The following VPS13D variants were observed in gnomAD, a reference collection of about 807,000 sequenced individuals.
VPS13D encodes intermembrane lipid transfer protein VPS13D.
Under a neutral mutation model 461.9 loss-of-function variants are expected in VPS13D, and 187 were observed. The observed-to-expected ratio is 0.40, with a 90% CI of 0.36 to 0.46. The LOEUF is 0.46. Among genes scored for constraint, VPS13D ranks in the 20% least tolerant of loss-of-function variants. VPS13D has a pLI of 0.60. For synonymous variants in VPS13D, 1,951 were observed against 1,986.3 expected (o/e 0.98, Z 0.47); for missense variants, 4,711 against 5,364.9 (o/e 0.88, Z 3.81).
At chr1:12,296,605 AG>A in intron 24 of VPS13D, among the ~76,000 whole-genome samples, 1 of 152,282 alleles carries the variant, frequency 6.6e-6, no homozygotes, top group Middle Eastern at 3.4e-3. Flanking sequence ...AATTGCTTTC[AG>A]CTTTTCATTC....
At chr1:12,407,368 G>A (rs1356950394) in intron 63 of VPS13D, 1 of 152,216 alleles carries the variant, frequency 6.6e-6, no homozygotes. Flanking sequence ...ACTCTATGAA[G>A]TTTCTGGAAG....
intron 67 of VPS13D, among the ~76,000 whole-genome samples, chr1:12,474,933 C>T (rs1319015650): frequency 1.3e-5 from 2 of 152,088 alleles, no homozygotes; most frequent in Non-Finnish European, 1.5e-5. Context: ...CCTATTAAAG[C>T]CCAATATACT....
intron 60 of VPS13D, among the ~76,000 whole-genome samples, chr1:12,391,800 A>G (rs72868248): frequency 0.067 from 10,127 of 152,256 alleles, 535 homozygotes; most frequent in African/African-American, 0.13. Context: ...TGCTTTTTAC[A>G]GCTAGTTAAG....
At chr1:12,240,031 G>T (rs940169617) in intron 2 of VPS13D, among the ~76,000 whole-genome samples, 14 of 152,134 alleles carry the variant, frequency 9.2e-5, no homozygotes, top group Admixed American at 9.2e-4. Flanking sequence ...TGAGTGGGTG[G>T]GGACTAGGAA....
At chr1:12,310,013 G>A (rs1201318952) in intron 27 of VPS13D, among the ~76,000 whole-genome samples, 1 of 151,832 alleles carries the variant, frequency 6.6e-6, no homozygotes, top group Non-Finnish European at 1.5e-5. Flanking sequence ...GCTATATTTG[G>A]TTTTACTGGC....
intron 2 of VPS13D, 23 bp from the exon 3 acceptor site, chr1:12,242,490 C>T: frequency 4.4e-6 from 7 of 1,605,654 alleles, no homozygotes; most frequent in Non-Finnish European, 6.0e-6. Flanking sequence ...ATGGATATTT[C>T]ATGATGCTGT....
At chr1:12,484,236 G>A (rs543724252) in intron 67 of VPS13D, among the ~76,000 whole-genome samples, 56 of 152,230 alleles carry the variant, frequency 3.7e-4, no homozygotes, top group Non-Finnish European at 7.1e-4. Flanking sequence ...CAGGAAGCCC[G>A]TCCTACCCTC....
At chr1:12,455,623 A>G (rs952097309) in intron 65 of VPS13D, among the ~76,000 whole-genome samples, 1 of 152,218 alleles carries the variant, frequency 6.6e-6, no homozygotes. Context: ...AAATTTATTT[A>G]TATTTAAATT....
At chr1:12,359,563 T>C (rs1643920670) in intron 50 of VPS13D, among the ~76,000 whole-genome samples, 1 of 152,226 alleles carries the variant, frequency 6.6e-6, no homozygotes, top group Non-Finnish European at 1.5e-5. Flanking sequence ...TTGGACAGTA[T>C]GCACATAGTG....
chr1:12,273,022 C>T lies in VPS13D; in HGVS notation c.2123C>T (p.Thr708Ile), dbSNP rs781030924. Residue 708 changes from threonine to isoleucine, a missense_variant, in exon 18 of 70, where the codon ACC becomes ATC. By Grantham distance (89) the Thr-to-Ile change is moderately conservative. Coordinates refer to ENST00000620676, the MANE Select transcript of VPS13D (RefSeq NM_015378.4). ...GDFIEESKRW[T>I]VRLDISAPQV... ...GTACAGGAGGAGAGTAAACGATGGA[C>T]CGTGCGGCTGGATATTTCTGCCCCT... 6 of 1,613,948 alleles carry T rather than the reference C, an allele frequency of 3.7e-6. No homozygotes were observed. The highest frequency in any genetic ancestry group is 2.5e-6 in the Non-Finnish European group (3 of 1,179,948).
chr1:12,265,855 C>T (rs1238427164), intron 13 of VPS13D, among the ~76,000 whole-genome samples: 1 of 152,160 alleles, frequency 6.6e-6, no homozygotes, highest in African/African-American at 2.4e-5. Flanking sequence ...ATACTATGAA[C>T]ACTGTTGAAA....
intron 65 of VPS13D, among the ~76,000 whole-genome samples, chr1:12,432,094 G>C (rs553510735): frequency 6.6e-6 from 1 of 152,122 alleles, no homozygotes; most frequent in Non-Finnish European, 1.5e-5. Flanking sequence ...TCTAAAGGCT[G>C]TGTGAAAGAA....
intron 37 of VPS13D, among the ~76,000 whole-genome samples, chr1:12,331,557 A>G (rs1222953219): frequency 2.0e-5 from 3 of 151,574 alleles, no homozygotes; most frequent in African/African-American, 7.3e-5. Context: ...AAAAAAATAC[A>G]AAAAATTAGC....
At chr1:12,260,618 T>A in intron 10 of VPS13D, 75 bp from the exon 11 acceptor site, 1 of 1,240,434 alleles carries the variant, frequency 8.1e-7, no homozygotes, top group African/African-American at 1.5e-5. Context: ...TTTAGTGGCT[T>A]GTGAGGGTGT....
intron 35 of VPS13D, among the ~76,000 whole-genome samples, chr1:12,325,949 A>G (rs1023416264): frequency 2.8e-5 from 4 of 144,820 alleles, no homozygotes; most frequent in Non-Finnish European, 6.0e-5. Context: ...GGGTATAGAT[A>G]TATTTTTCAG....
At chr1:12,415,246 G>C in intron 64 of VPS13D, 25 bp downstream of exon 64, 1 of 1,613,668 alleles carries the variant, frequency 6.2e-7, no homozygotes, top group Non-Finnish European at 8.5e-7. Context: ...AGTAATCATT[G>C]GCTGGAGCAT....
intron 57 of VPS13D, among the ~76,000 whole-genome samples, 196 bp downstream of exon 57, chr1:12,379,792 G>A (rs765849604): frequency 1.3e-5 from 2 of 148,908 alleles, no homozygotes; most frequent in African/African-American, 2.5e-5. Flanking sequence ...TTTTTGAGGT[G>A]GAGTCTTGCT....
chr1:12,240,798 C>A (rs777890365), intron 2 of VPS13D, among the ~76,000 whole-genome samples: 7 of 109,978 alleles, frequency 6.4e-5, no homozygotes, highest in Non-Finnish European at 1.7e-5. Context: ...TTCTGTTAGT[C>A]GTAAGGTATG....
chr1:12,400,048 T>C (rs571185003), intron 60 of VPS13D, 133 bp from the exon 61 acceptor site: 1 of 960,472 alleles, frequency 1.0e-6, no homozygotes. Flanking sequence ...TGAACTGCTA[T>C]TGAGATCGAG....
Sources: gnomAD v4.1 joint callset for allele counts (sites outside exome capture counted in the v4.1 genomes callset) on GRCh38, gnomAD v4.1.1 for gene constraint, MANE v1.5 for transcripts, NCBI Gene and HGNC (gene_info 2026-07-23, HGNC 2026-07-21) for gene names.